Variants in SNX9 observed in about 807,000 individuals in gnomAD.
SNX9 encodes the protein sorting nexin-9.
A neutral mutation model predicts 89.4 loss-of-function variants in SNX9; 44 were observed. That is an observed-to-expected ratio of 0.49 (90% CI 0.39 to 0.63). SNX9 has a LOEUF of 0.63. SNX9 is among the 30% of genes least tolerant of loss of function. SNX9 has a pLI of 0.00. For synonymous variants in SNX9, 236 were observed against 247.8 expected, an observed-to-expected ratio of 0.95 and a Z score of 0.45; for missense variants, 578 against 736.1, an observed-to-expected ratio of 0.79 and a Z score of 2.49.
intron 1 of SNX9, among the ~76,000 whole-genome samples, chr6:157,864,789 G>A (rs1484896690): frequency 2.0e-5 from 3 of 152,146 alleles, no homozygotes; most frequent in African/African-American, 7.2e-5. Flanking sequence ...CAGTATTTTG[G>A]GAGGCCGAGG....
intron 9 of SNX9, among the ~76,000 whole-genome samples, chr6:157,913,013 A>T (rs1013450304): frequency 6.6e-6 from 1 of 152,226 alleles, no homozygotes; most frequent in African/African-American, 2.4e-5. Context: ...TAAAATAAGG[A>T]TCACTAAATT....
intron 1 of SNX9, among the ~76,000 whole-genome samples, chr6:157,850,278 C>G (rs1781886008): frequency 6.6e-6 from 1 of 152,130 alleles, no homozygotes; most frequent in African/African-American, 2.4e-5. Flanking sequence ...CAAGGCTTGA[C>G]TAGTGCAGGG....
chr6:157,834,163 T>TG (rs1781532472), intron 1 of SNX9, among the ~76,000 whole-genome samples: 1 of 105,326 alleles, frequency 9.5e-6, no homozygotes, highest in African/African-American at 4.2e-5. Context: ...TTTTTTTTTT[T>TG]TTTTTTTTTT....
At chr6:157,935,154 T>C (rs1783897893) in intron 13 of SNX9, among the ~76,000 whole-genome samples, 1 of 152,212 alleles carries the variant, frequency 6.6e-6, no homozygotes, top group Admixed American at 6.5e-5. Context: ...CTTAACCTGC[T>C]TTTCCTGTTC....
chr6:157,823,533 G>A lies in SNX9; in HGVS notation c.12+87G>A. On this transcript the variant is annotated intron_variant, in intron 1 of 17. Transcript: ENST00000392185. This position sits in a 1 kb window ranked among gnomAD's most constrained non-coding sequence, Gnocchi z 4.6. ...CGGGGCCGGGGCCGCGGGGAGGGTC[G>A]GGGCCAGGGGTGGTCGAGGGGCCAC... The A allele has an allele frequency of 9.1e-7, 1 of 1,101,618 alleles. No individual in the cohort carries two copies. The highest frequency in any genetic ancestry group is 1.1e-6 in the Non-Finnish European group (1 of 890,768). The allele number at this position is 1,101,618 out of a possible 1,614,324, so 68.2% of individuals were successfully genotyped here. A position where few individuals can be genotyped will look rare whatever the true frequency, so the allele number is the denominator to read the frequency against.
rs548032974 is a variant in SNX9 at position 157,870,050 on chromosome 6, G to A, written c.99+2417G>A. Reference sequence around the variant, plus strand: ...TCACACACATAGGCAGCACTCACACGTGTGAGCACGCACACACACCCTCTT... The same window carrying A: ...TCACACACATAGGCAGCACTCACACATGTGAGCACGCACACACACCCTCTT... On this transcript the variant is annotated intron_variant, in intron 2 of 17. Coordinates refer to ENST00000392185, the MANE Select transcript of SNX9 (RefSeq NM_016224.5). Among the ~76,000 whole-genome samples, 7 of 150,850 alleles carry A rather than the reference G, an allele frequency of 4.6e-5. No individual in the cohort carries two copies. In the East Asian group the frequency reaches 1.4e-3, roughly 29 times the overall value.
chr6:157,866,812 G>T (rs991483996), intron 1 of SNX9, among the ~76,000 whole-genome samples: 1 of 152,118 alleles, frequency 6.6e-6, no homozygotes, highest in South Asian at 2.1e-4. Flanking sequence ...TCTTAGATGT[G>T]TGTGCGTGTG....
At chr6:157,904,264 A>G (rs1002640803) in intron 6 of SNX9, among the ~76,000 whole-genome samples, 8 of 152,136 alleles carry the variant, frequency 5.3e-5, no homozygotes, top group African/African-American at 9.6e-5. Flanking sequence ...TGAAACCTCA[A>G]TCTGTACCAA....
At chr6:157,927,800 C>T (rs999428023) in intron 11 of SNX9, among the ~76,000 whole-genome samples, 5 of 144,990 alleles carry the variant, frequency 3.4e-5, no homozygotes, top group African/African-American at 1.0e-4. Flanking sequence ...GATCTCCGCT[C>T]ACTGCAAGCT....
Position 157,932,193 on chromosome 6 carries a change from A to G in SNX9, c.1289-2A>G. The G allele has an allele frequency of 6.2e-7, 1 of 1,613,836 alleles. No individual in the cohort carries two copies. Among genetic ancestry groups the G allele is most frequent in the Non-Finnish European group, 8.5e-7 (1 of 1,179,726 alleles). Reference sequence around the variant, plus strand: ...AATCGTTTATTCCTTTTTGTCTTTCAGCATTACCCAAGGAATATCAGAAGA... The same window carrying G: ...AATCGTTTATTCCTTTTTGTCTTTCGGCATTACCCAAGGAATATCAGAAGA... On this transcript the variant is annotated splice_acceptor_variant, in intron 12 of 17. Transcript: ENST00000392185. LOFTEE classifies it high-confidence loss of function.
At chr6:157,885,918 C>T (rs1328636856) in intron 4 of SNX9, among the ~76,000 whole-genome samples, 1 of 152,094 alleles carries the variant, frequency 6.6e-6, no homozygotes, top group Non-Finnish European at 1.5e-5. Context: ...TTTCATAGAC[C>T]CTTTGTACAT....
chr6:157,823,474 C>T lies in SNX9; in HGVS notation c.12+28C>T, dbSNP rs1449644354. 4.2e-6 allele frequency: 5 copies of T among 1,189,868 alleles called. No homozygotes were observed. The highest frequency in any genetic ancestry group is 4.6e-5 in the Admixed American group (1 of 21,656). 73.7% of individuals were successfully genotyped at this position (1,189,868 alleles called of 1,614,324 possible). A position where few individuals can be genotyped will look rare whatever the true frequency, so the allele number is the denominator to read the frequency against. ...GAGGGGCGCGCGGCGCAGGCCGGGCCGGTCGCTCAGGCCCGGGGCGGCGCG... is the reference window on the plus strand; with the variant it reads ...GAGGGGCGCGCGGCGCAGGCCGGGCTGGTCGCTCAGGCCCGGGGCGGCGCG... On this transcript the variant is annotated intron_variant, in intron 1 of 17. Transcript: ENST00000392185. The surrounding 1 kb of genome is among the most constrained non-coding windows in gnomAD (Gnocchi z 4.6).
Position 157,871,363 on chromosome 6 carries a change from A to G in SNX9, c.100-1739A>G, listed in dbSNP as rs988101744. Reference sequence around the variant, plus strand: ...GCCACTGCATGTCAGCTTGGGAGACAAAATGAGACAGTGTCTCAAAAAAAA... The same window carrying G: ...GCCACTGCATGTCAGCTTGGGAGACGAAATGAGACAGTGTCTCAAAAAAAA... On this transcript the variant is annotated intron_variant, in intron 2 of 17. Transcript: ENST00000392185. 7.2e-5 allele frequency among the ~76,000 whole-genome samples: 11 copies of G among 152,206 alleles called. 1 individual carries two copies. The highest frequency in any genetic ancestry group is 7.2e-4 in the Admixed American group (11 of 15,286).
At chr6:157,833,288 A>T (rs529331507) in intron 1 of SNX9, among the ~76,000 whole-genome samples, 1 of 152,280 alleles carries the variant, frequency 6.6e-6, no homozygotes, top group South Asian at 2.1e-4. Context: ...ACAAGGAAAA[A>T]AAAGATTTTT....
chr6:157,933,461 G>T (rs1474873333), intron 13 of SNX9, among the ~76,000 whole-genome samples: 8 of 152,134 alleles, frequency 5.3e-5, no homozygotes, highest in Non-Finnish European at 1.2e-4. Context: ...AAACTAATAA[G>T]AAGTTTCTCA....
At chr6:157,894,134 G>A (rs1362020553) in intron 4 of SNX9, among the ~76,000 whole-genome samples, 1 of 85,994 alleles carries the variant, frequency 1.2e-5, no homozygotes, top group Non-Finnish European at 2.3e-5. Flanking sequence ...TTTTGAGACA[G>A]AGTCTCTCTG....
intron 4 of SNX9, among the ~76,000 whole-genome samples, chr6:157,890,552 G>A (rs940757520): frequency 1.3e-5 from 2 of 152,178 alleles, no homozygotes; most frequent in East Asian, 1.9e-4. Context: ...GAAGAGAGTC[G>A]GACATAATCA....
At chr6:157,904,449 G>T (rs1314271432) in intron 6 of SNX9, among the ~76,000 whole-genome samples, 3 of 151,222 alleles carry the variant, frequency 2.0e-5, no homozygotes, top group Non-Finnish European at 3.0e-5. Flanking sequence ...AAAATAAAAG[G>T]CATCTTGATG....
rs538618839 is a variant in SNX9, at chr6:157,928,397, G to A, written c.1185-202G>A. Among the ~76,000 whole-genome samples the A allele has an allele frequency of 7.2e-5, 11 of 152,338 alleles. No homozygotes were observed. In the South Asian group the frequency reaches 2.3e-3, roughly 32 times the overall value. ...CACAAAGAATTGTATAGGCAGAAAG[G>A]AAGCGAAGTTAAAATATAAATCAGC... On this transcript the variant is annotated intron_variant, in intron 11 of 17. Coordinates refer to ENST00000392185, the MANE Select transcript of SNX9 (RefSeq NM_016224.5).
Sources: gnomAD v4.1 joint callset for allele counts (sites outside exome capture counted in the v4.1 genomes callset) on GRCh38, gnomAD v4.1.1 for gene constraint, Gnocchi (gnomAD v3.1) non-coding constraint, MANE v1.5 for transcripts, NCBI Gene and HGNC (gene_info 2026-07-23, HGNC 2026-07-21) for gene names.